The following RNF150 variants were observed in gnomAD, a reference collection of about 807,000 sequenced individuals.
The protein encoded by RNF150 is ring finger protein 150.
A neutral mutation model predicts 39.3 loss-of-function variants in RNF150; 24 were observed. The observed-to-expected ratio is 0.61, with a 90% CI of 0.44 to 0.86. RNF150 has a LOEUF of 0.86. Among genes scored for constraint, RNF150 ranks in the 40% least tolerant of loss-of-function variants. The probability of loss-of-function intolerance (pLI) is 0.00; values close to 1 mark genes in which losing one functional copy is unlikely to be tolerated. For synonymous variants in RNF150, 255 were observed against 227.3 expected, an observed-to-expected ratio of 1.12 and a Z score of -1.10; for missense variants, 502 against 587.8, an observed-to-expected ratio of 0.85 and a Z score of 1.51.
intron 2 of RNF150, among the ~76,000 whole-genome samples, chr4:140,959,889 G>A (rs1732946609): frequency 6.6e-6 from 1 of 152,034 alleles, no homozygotes; most frequent in Admixed American, 6.6e-5. Flanking sequence ...AGTATCTCAG[G>A]CTCAGGCTAC....
chr4:141,181,775 G>A (rs1239847116), intron 1 of RNF150, among the ~76,000 whole-genome samples: 1 of 152,190 alleles, frequency 6.6e-6, no homozygotes, highest in East Asian at 1.9e-4. Flanking sequence ...GCTAATTGTT[G>A]TGCTGCATGG....
intron 1 of RNF150, among the ~76,000 whole-genome samples, chr4:141,212,357 C>T (rs1211969725): frequency 6.6e-6 from 1 of 152,174 alleles, no homozygotes; most frequent in African/African-American, 2.4e-5. Flanking sequence ...ATACCGAAGA[C>T]ATCAAACTTT....
intron 1 of RNF150, among the ~76,000 whole-genome samples, chr4:141,055,026 G>C (rs1052759289): frequency 6.6e-6 from 1 of 152,122 alleles, no homozygotes; most frequent in Non-Finnish European, 1.5e-5. Flanking sequence ...CACAATTAAA[G>C]TGAAACAACT....
intron 1 of RNF150, among the ~76,000 whole-genome samples, chr4:141,022,492 G>T (rs1412940531): frequency 6.6e-6 from 1 of 152,102 alleles, no homozygotes; most frequent in African/African-American, 2.4e-5. Context: ...TTTTTATTTG[G>T]TTGGCTGACT....
At chr4:141,054,912 T>C (rs1250602176) in intron 1 of RNF150, among the ~76,000 whole-genome samples, 6 of 152,152 alleles carry the variant, frequency 3.9e-5, no homozygotes, top group Admixed American at 6.5e-5. Flanking sequence ...GCAAATGTGA[T>C]AACAAACAAC....
At chr4:140,961,436 GTAAAA>G (rs1185892289) in intron 2 of RNF150, among the ~76,000 whole-genome samples, 3 of 152,140 alleles carry the variant, frequency 2.0e-5, no homozygotes, top group African/African-American at 7.2e-5. Flanking sequence ...CTTCGACAAT[GTAAAA>G]TAAATGGCTT....
At chr4:140,951,234 C>A (rs1048338024) in intron 2 of RNF150, among the ~76,000 whole-genome samples, 1 of 152,122 alleles carries the variant, frequency 6.6e-6, no homozygotes, top group African/African-American at 2.4e-5. Flanking sequence ...TGTTAGATTG[C>A]CCTCAGATAT....
chr4:141,132,583 GC>G lies in RNF150; in HGVS notation c.225del (p.Arg76AlafsTer43). On this transcript the variant is annotated frameshift_variant, in exon 1 of 7. Coordinates refer to ENST00000515673, the MANE Select transcript of RNF150 (RefSeq NM_020724.2). LOFTEE classifies it high-confidence loss of function. This position sits in a 1 kb window ranked among gnomAD's most constrained non-coding sequence, Gnocchi z 4.9. ...AELHTEKTEC[G>X]RYGEHSPKQD... ...TGCTTGGGCGAGTGCTCTCCGTAGC[GC>G]CCGCACTCCGTCTTCTCCGTGTGCA... 1.3e-6 allele frequency: 2 copies of G among 1,574,748 alleles called. No homozygotes were observed. The highest frequency in any genetic ancestry group is 1.7e-6 in the Non-Finnish European group (2 of 1,161,088).
chr4:141,132,754 G>C lies in RNF150; in HGVS notation c.55C>G (p.Leu19Val), dbSNP rs199609830. The stretch of plus-strand genomic sequence containing the variant: ...AGCAGATGCACGAAACAAAAGGAAA[G>C]CAGCCATGTTGAGAGAGCCAGACTG... ...CCSLALSTWL[L>V]SFCFVHLLCL... Residue 19 changes from leucine (L) to valine (V), a missense_variant, in exon 1 of 7, where the codon CTT (leucine) becomes GTT (valine). Transcript: ENST00000515673. The surrounding 1 kb of genome is among the most constrained non-coding windows in gnomAD (Gnocchi z 4.9). The C allele has an allele frequency of 6.2e-7, 1 of 1,610,580 alleles. No homozygotes were observed. Among genetic ancestry groups the C allele is most frequent in the Non-Finnish European group, 8.5e-7 (1 of 1,178,664 alleles).
At position 140,999,944 on chromosome 4, in the gene RNF150, AG is replaced by A. The variant is rs1309840798; in HGVS notation, c.485-32072del. Among the ~76,000 whole-genome samples, 33 of 27,102 alleles carry A rather than the reference AG, an allele frequency of 1.2e-3. 1 individual carries two copies. The highest frequency in any genetic ancestry group is 0.05 in the Middle Eastern group (2 of 40). The allele number at this position is 27,102 out of a possible 152,430, so 17.8% of individuals were successfully genotyped here. A position where few individuals can be genotyped will look rare whatever the true frequency, so the allele number is the denominator to read the frequency against. ...CAGAGTGAGACTTGGTCTCAAAAAA[AG>A]AAGAAGAAGAAGAAGAAGAAGAAGA... On this transcript the variant is annotated intron_variant, in intron 1 of 6. Coordinates refer to ENST00000515673, the MANE Select transcript of RNF150 (RefSeq NM_020724.2).
intron 1 of RNF150, among the ~76,000 whole-genome samples, chr4:141,027,634 A>T (rs936878306): frequency 1.3e-5 from 2 of 152,076 alleles, no homozygotes; most frequent in African/African-American, 4.8e-5. Flanking sequence ...GGCCTATAAA[A>T]ATCTCTCATG....
At chr4:141,204,969 T>G (rs1728351166) in intron 1 of RNF150, among the ~76,000 whole-genome samples, 1 of 152,204 alleles carries the variant, frequency 6.6e-6, no homozygotes, top group Non-Finnish European at 1.5e-5. Context: ...TATAAATGCA[T>G]GCCTTGAGGT....
In RNF150 at chr4:141,082,029, G is replaced by A. The variant is rs571801060; in HGVS notation, c.484+50296C>T. 3.0e-3 allele frequency among the ~76,000 whole-genome samples: 463 copies of A among 152,340 alleles called. 1 individual carries two copies. Among genetic ancestry groups the A allele is most frequent in the Non-Finnish European group, 5.6e-3 (382 of 68,040 alleles). ...GTTTGTATCAAAGAAAGCAAACGCAGTCGGCTTCCCAAAAGCTTGCTTCAG... is the reference window on the plus strand; with the variant it reads ...GTTTGTATCAAAGAAAGCAAACGCAATCGGCTTCCCAAAAGCTTGCTTCAG... On this transcript the variant is annotated intron_variant, in intron 1 of 6. Coordinates refer to ENST00000515673, the MANE Select transcript of RNF150 (RefSeq NM_020724.2).
At chr4:141,078,249 G>A (rs890939435) in intron 1 of RNF150, among the ~76,000 whole-genome samples, 7 of 152,134 alleles carry the variant, frequency 4.6e-5, no homozygotes, top group Non-Finnish European at 1.0e-4. Flanking sequence ...TGACAGGGAT[G>A]CCCTAGGCCA....
chr4:140,921,802 G>C (rs1731163833), intron 5 of RNF150, among the ~76,000 whole-genome samples: 1 of 152,156 alleles, frequency 6.6e-6, no homozygotes, highest in African/African-American at 2.4e-5. Context: ...TGGGATGCAA[G>C]GCTGGTTCAA....
At chr4:140,998,182 G>A (rs1174919412) in intron 1 of RNF150, among the ~76,000 whole-genome samples, 32 of 152,182 alleles carry the variant, frequency 2.1e-4, no homozygotes, top group Admixed American at 2.1e-3. Context: ...TTTACTGAGT[G>A]GCTGGGTCAT....
At chr4:141,103,239 G>A (rs540244376) in intron 1 of RNF150, among the ~76,000 whole-genome samples, 1 of 152,290 alleles carries the variant, frequency 6.6e-6, no homozygotes, top group Admixed American at 6.5e-5. Context: ...GCCTTCATCT[G>A]CACAATTGAG....
intron 1 of RNF150, among the ~76,000 whole-genome samples, chr4:141,111,776 T>A (rs1030361135): frequency 3.3e-5 from 5 of 152,284 alleles, no homozygotes; most frequent in Non-Finnish European, 4.4e-5. Flanking sequence ...CCAATTAAAA[T>A]TCTAAACAAA....
chr4:141,132,284 C>A lies in RNF150; in HGVS notation c.484+41G>T. ...GCTGGATCCCTCTAGGCACCTCCGT[C>A]CCCGCCGGCTCCCCTCCCCCGCGCC... On this transcript the variant is annotated intron_variant, in intron 1 of 6. Coordinates refer to ENST00000515673, the MANE Select transcript of RNF150 (RefSeq NM_020724.2). The surrounding 1 kb of genome is among the most constrained non-coding windows in gnomAD (Gnocchi z 4.9). 6.4e-7 allele frequency: 1 copy of A among 1,550,988 alleles called. No individual in the cohort carries two copies.
Sources: allele counts gnomAD v4.1 joint callset (sites outside exome capture counted in the v4.1 genomes callset), GRCh38; gene constraint gnomAD v4.1.1; non-coding constraint Gnocchi (gnomAD v3.1); transcripts MANE v1.5; gene names NCBI Gene and HGNC (gene_info 2026-07-23, HGNC 2026-07-21).